PHF21B: variants seen among roughly 807,000 people sequenced by gnomAD.
PHF21B encodes PHD finger protein 4.
PHF21B carries 22 observed loss-of-function variants against 62.2 expected under a neutral mutation model. The observed-to-expected ratio is 0.35, with a 90% CI of 0.25 to 0.51. The LOEUF (loss-of-function observed/expected upper bound fraction) is 0.51. PHF21B is among the 20% of genes least tolerant of loss of function. The pLI is 0.97. For synonymous variants in PHF21B, 341 were observed against 314.7 expected (o/e 1.08, Z -0.88); for missense variants, 701 against 707.9 (o/e 0.99, Z 0.11).
intron 2 of PHF21B, among the ~76,000 whole-genome samples, chr22:44,983,444 C>A (rs527443852): frequency 6.6e-6 from 1 of 152,130 alleles, no homozygotes; most frequent in East Asian, 1.9e-4. Flanking sequence ...TCAGCATGAA[C>A]CCCCACTAGT....
chr22:44,905,514 C>T (rs1318691762), intron 5 of PHF21B, among the ~76,000 whole-genome samples: 2 of 152,196 alleles, frequency 1.3e-5, no homozygotes, highest in African/African-American at 4.8e-5. Context: ...TTCACTTCAT[C>T]TGGAATAAAT....
At chr22:44,989,377 CA>C (rs949513405) in intron 2 of PHF21B, 1 of 152,134 alleles carries the variant, frequency 6.6e-6, no homozygotes, top group African/African-American at 2.4e-5. Context: ...AAAGGCCCAC[CA>C]GCCCTCAAAC....
chr22:45,009,082 A>C lies in PHF21B; in HGVS notation c.54+414T>G. The C allele has an allele frequency of 1.8e-6, 2 of 1,086,082 alleles. No homozygotes were observed. Among genetic ancestry groups the C allele is most frequent in the Non-Finnish European group, 2.3e-6 (2 of 880,846 alleles). 67.3% of individuals were successfully genotyped at this position (1,086,082 alleles called of 1,614,324 possible). ...GGCCGCCACGCCGCCGCTCGCCAGCAGCGATCGCCAAAACTACTTCTGCAC... is the reference window on the plus strand; with the variant it reads ...GGCCGCCACGCCGCCGCTCGCCAGCCGCGATCGCCAAAACTACTTCTGCAC... On this transcript the variant is annotated intron_variant, in intron 1 of 12. Coordinates refer to ENST00000313237, the MANE Select transcript of PHF21B (RefSeq NM_138415.5). The surrounding 1 kb of genome is among the most constrained non-coding windows in gnomAD (Gnocchi z 5.9).
chr22:44,894,170 A>T (rs142400806), intron 6 of PHF21B, among the ~76,000 whole-genome samples: 4 of 152,298 alleles, frequency 2.6e-5, no homozygotes, highest in East Asian at 1.9e-4. Flanking sequence ...AATATTACTC[A>T]GCCTGTTTTC....
chr22:44,969,195 G>A (rs2072589399), intron 2 of PHF21B: 1 of 152,240 alleles, frequency 6.6e-6, no homozygotes. Flanking sequence ...GCATCAGTTT[G>A]CAGGAGCTCC....
At chr22:44,899,920 T>C (rs1316602610) in intron 5 of PHF21B, among the ~76,000 whole-genome samples, 1 of 152,152 alleles carries the variant, frequency 6.6e-6, no homozygotes, top group African/African-American at 2.4e-5. Flanking sequence ...CTCTTGGGTT[T>C]TTCAGCAAAT....
intron 2 of PHF21B, among the ~76,000 whole-genome samples, chr22:44,937,536 A>T (rs529582538): frequency 6.6e-6 from 1 of 152,374 alleles, no homozygotes; most frequent in Admixed American, 6.5e-5. Context: ...TTACAAAACT[A>T]AACACACACC....
chr22:44,983,051 C>T (rs1007158122), intron 2 of PHF21B, among the ~76,000 whole-genome samples: 6 of 152,120 alleles, frequency 3.9e-5, no homozygotes, highest in East Asian at 1.9e-4. Context: ...TGAGACCAGC[C>T]GGACCAACCC....
chr22:44,893,211 G>A (rs971616782), intron 7 of PHF21B, among the ~76,000 whole-genome samples: 1 of 152,180 alleles, frequency 6.6e-6, no homozygotes, highest in African/African-American at 2.4e-5. Context: ...ACGAAGCCAC[G>A]CCCACCAGAG....
intron 2 of PHF21B, among the ~76,000 whole-genome samples, chr22:44,969,472 C>A (rs1204469430): frequency 2.0e-5 from 3 of 152,160 alleles, no homozygotes; most frequent in African/African-American, 7.2e-5. Context: ...CCAAGACCAG[C>A]CTGGCCAACA....
At position 44,885,431 on chromosome 22, in the gene PHF21B, C is replaced by A; in HGVS notation, c.1372G>T (p.Val458Leu). The A allele has an allele frequency of 6.3e-7, 1 of 1,576,954 alleles. No individual in the cohort carries two copies. The highest frequency in any genetic ancestry group is 2.3e-5 in the East Asian group (1 of 43,316). Residue 458 changes from valine (V) to leucine (L), a missense_variant, in exon 12 of 13, where the codon GTG becomes TTG. Coordinates refer to ENST00000313237, the MANE Select transcript of PHF21B (RefSeq NM_138415.5). ...CCCCAGGCCCCGGGGCACACCTGCA[C>A]TGCTGACGCCAGCCGCCGGTCCCGC... ...EERDRRLASAVQKCLELKTSL... is the reference protein window; with the variant it reads ...EERDRRLASALQKCLELKTSL...
chr22:44,994,879 T>C (rs929325550), intron 2 of PHF21B, among the ~76,000 whole-genome samples: 5 of 152,160 alleles, frequency 3.3e-5, no homozygotes, highest in Non-Finnish European at 5.9e-5. Flanking sequence ...ATACCCAAAC[T>C]TGGGGAGCGC....
At chr22:44,925,585 A>G (rs2071613401) in intron 2 of PHF21B, among the ~76,000 whole-genome samples, 1 of 152,186 alleles carries the variant, frequency 6.6e-6, no homozygotes, top group South Asian at 2.1e-4. Context: ...GACATTTGTT[A>G]AAACAGAGCT....
chr22:44,916,450 C>A lies in PHF21B; in HGVS notation c.394G>T (p.Ala132Ser). Residue 132 changes from alanine to serine, a missense_variant, in exon 4 of 13, where the codon GCC becomes TCC. Ala to Ser is a moderately conservative substitution (Grantham distance 99). Coordinates refer to ENST00000313237, the MANE Select transcript of PHF21B (RefSeq NM_138415.5). ...HVPAPGSQPQ[A>S]LAEPAALASP... ...GCGAGGGCGGCGGGCTCGGCGAGGG[C>A]CTGGGGCTGGCTGCCGGGCGCTGGC... is the stretch of plus-strand genomic sequence containing the variant. 1 of 1,602,186 alleles carries A rather than the reference C, an allele frequency of 6.2e-7. No homozygotes were observed. Among genetic ancestry groups the A allele is most frequent in the Non-Finnish European group, 8.5e-7 (1 of 1,177,810 alleles).
chr22:44,903,250 G>A (rs1018819139), intron 5 of PHF21B, among the ~76,000 whole-genome samples: 2 of 151,914 alleles, frequency 1.3e-5, no homozygotes, highest in African/African-American at 4.8e-5. Context: ...CTTTCCTTTT[G>A]CACTTCAAGA....
intron 2 of PHF21B, among the ~76,000 whole-genome samples, chr22:44,990,146 C>A (rs1055424735): frequency 6.6e-6 from 1 of 152,176 alleles, no homozygotes; most frequent in Admixed American, 6.5e-5. Flanking sequence ...GATGTGATAT[C>A]AAAACCATGG....
chr22:44,987,802 C>A (rs574368963), intron 2 of PHF21B, among the ~76,000 whole-genome samples: 3 of 151,840 alleles, frequency 2.0e-5, no homozygotes, highest in South Asian at 2.1e-4. Context: ...TCCCCCTCCC[C>A]CTTCCTTCTC....
intron 2 of PHF21B, among the ~76,000 whole-genome samples, chr22:44,927,058 G>A (rs2071646598): frequency 6.6e-6 from 1 of 152,064 alleles, no homozygotes; most frequent in Admixed American, 6.5e-5. Context: ...CTTACTTTAG[G>A]AATTCACAGC....
intron 7 of PHF21B, 35 bp from the exon 8 acceptor site, chr22:44,891,395 C>T: frequency 6.2e-7 from 1 of 1,608,722 alleles, no homozygotes; most frequent in Non-Finnish European, 8.5e-7. Flanking sequence ...CACACCCCAT[C>T]ATCTGGAGGC....
Sources: allele counts gnomAD v4.1 joint callset (sites outside exome capture counted in the v4.1 genomes callset), GRCh38; gene constraint gnomAD v4.1.1; non-coding constraint Gnocchi (gnomAD v3.1); transcripts MANE v1.5; gene names NCBI Gene and HGNC (gene_info 2026-07-23, HGNC 2026-07-21).